The following PROX1 variants were observed in gnomAD, a reference collection of about 807,000 sequenced individuals.
PROX1 encodes the protein prospero homeobox protein 1.
In PROX1, 7 loss-of-function variants were observed where a neutral mutation model predicts 58.8. The observed-to-expected ratio is 0.12, with a 90% CI of 0.07 to 0.22. The LOEUF is 0.22. Among genes scored for constraint, PROX1 ranks in the 10% least tolerant of loss-of-function variants. The pLI, the probability that PROX1 is intolerant of heterozygous loss-of-function variation, is 1.00. For synonymous variants in PROX1, 350 were observed against 358.3 expected (o/e 0.98, Z 0.26); for missense variants, 675 against 927.8 (o/e 0.73, Z 3.54).
chr1:213,992,821 A>T (rs1010453537), intron 1 of PROX1, among the ~76,000 whole-genome samples: 10 of 152,314 alleles, frequency 6.6e-5, no homozygotes, highest in Admixed American at 4.6e-4. Flanking sequence ...CCTCCCCGAA[A>T]TAACTTCTTT....
intron 3 of PROX1, among the ~76,000 whole-genome samples, chr1:214,009,833 T>C (rs1054873086): frequency 6.6e-6 from 1 of 152,170 alleles, no homozygotes; most frequent in Non-Finnish European, 1.5e-5. Flanking sequence ...AAAGCAATTT[T>C]CATTCCCCAG....
At chr1:213,985,740 A>T (rs1486331946), upstream of PROX1, 1 of 152,266 alleles carries the variant, frequency 6.6e-6, no homozygotes, top group African/African-American at 2.4e-5. Flanking sequence ...TTCAAGCGCT[A>T]TGTGCAATTG....
At chr1:214,007,849 G>C in intron 3 of PROX1, among the ~76,000 whole-genome samples, 1 of 152,158 alleles carries the variant, frequency 6.6e-6, no homozygotes, top group African/African-American at 2.4e-5. Flanking sequence ...GAAATCACTA[G>C]AGAAATTGGG....
At chr1:214,014,483 T>C (rs1664026129) in intron 4 of PROX1, among the ~76,000 whole-genome samples, 1 of 152,202 alleles carries the variant, frequency 6.6e-6, no homozygotes, top group Non-Finnish European at 1.5e-5. Flanking sequence ...AAATGTCTTA[T>C]TGATTGTATT....
intron 4 of PROX1, chr1:214,030,244 T>C (rs1049044680): frequency 6.6e-6 from 1 of 152,316 alleles, no homozygotes; most frequent in Non-Finnish European, 1.5e-5. Flanking sequence ...TTCACCAAAA[T>C]ACTAGGCAGG....
chr1:214,007,497 T>C (rs1208949624), intron 3 of PROX1, among the ~76,000 whole-genome samples: 2 of 152,252 alleles, frequency 1.3e-5, no homozygotes, highest in Non-Finnish European at 1.5e-5. Flanking sequence ...AATGAATTTG[T>C]ATTTCTTGAG....
intron 4 of PROX1, among the ~76,000 whole-genome samples, chr1:214,023,921 C>G (rs1664368554): frequency 6.6e-6 from 1 of 152,148 alleles, no homozygotes; most frequent in African/African-American, 2.4e-5. Flanking sequence ...GGGAAGCTGA[C>G]CATATGTAGA....
intron 4 of PROX1, among the ~76,000 whole-genome samples, chr1:214,019,786 GCTT>G (rs1664219287): frequency 6.6e-6 from 1 of 152,216 alleles, no homozygotes; most frequent in Non-Finnish European, 1.5e-5. Context: ...CGCCGCAAAT[GCTT>G]CATTAGCCCT....
At chr1:214,012,833 A>G (rs918539355) in intron 4 of PROX1, among the ~76,000 whole-genome samples, 2 of 152,198 alleles carry the variant, frequency 1.3e-5, no homozygotes, top group African/African-American at 4.8e-5. Flanking sequence ...ATCCAGGAAT[A>G]CCCAGGAAGT....
Position 214,039,751 on chromosome 1 carries a change from A to G in PROX1, c.*3917A>G, listed in dbSNP as rs1664947754. ...TGAAATTTCTTTTTCTATGTACATG[A>G]AGACATTTAGTAAGTAACACCCCCC... is the stretch of plus-strand genomic sequence containing the variant. On this transcript the variant is annotated 3_prime_UTR_variant, in exon 5 of 5. Transcript: ENST00000366958. 1 of 152,002 alleles carries G rather than the reference A, an allele frequency of 6.6e-6. No individual in the cohort carries two copies. The highest frequency in any genetic ancestry group is 2.4e-5 in the African/African-American group (1 of 41,356). The allele number at this position is 152,002 out of a possible 1,614,324, so 9.4% of individuals were successfully genotyped here.
At chr1:214,032,482 C>T (rs1571846539) in intron 4 of PROX1, among the ~76,000 whole-genome samples, 2 of 152,100 alleles carry the variant, frequency 1.3e-5, no homozygotes, top group East Asian at 3.9e-4. Flanking sequence ...GCAACCTCCG[C>T]CACCTGGGCT....
chr1:214,012,898 C>A (rs934024614), intron 4 of PROX1, among the ~76,000 whole-genome samples: 1 of 152,156 alleles, frequency 6.6e-6, no homozygotes, highest in Non-Finnish European at 1.5e-5. Flanking sequence ...ATTAAGGGGT[C>A]TGACCCCTAG....
intron 2 of PROX1, among the ~76,000 whole-genome samples, chr1:214,002,475 A>T (rs1158341454): frequency 1.7e-5 from 2 of 120,006 alleles, no homozygotes; most frequent in African/African-American, 6.6e-5. Context: ...TCTATTTTGC[A>T]TTACACATAG....
At chr1:214,028,509 A>T (rs1390706472) in intron 4 of PROX1, among the ~76,000 whole-genome samples, 1 of 152,222 alleles carries the variant, frequency 6.6e-6, no homozygotes, top group Non-Finnish European at 1.5e-5. Context: ...GACTCAGCCA[A>T]CAAACTCACC....
intron 1 of PROX1, among the ~76,000 whole-genome samples, chr1:213,993,980 A>G (rs1360427744): frequency 6.6e-6 from 1 of 152,250 alleles, no homozygotes; most frequent in Non-Finnish European, 1.5e-5. Context: ...AACAGACTCC[A>G]CAAGCATTTC....
At chr1:214,033,259 C>A (rs1158143224) in intron 4 of PROX1, among the ~76,000 whole-genome samples, 1 of 152,306 alleles carries the variant, frequency 6.6e-6, no homozygotes, top group South Asian at 2.1e-4. Context: ...GCTGTATTGC[C>A]GTTGGCTGAT....
At chr1:214,024,808 G>A (rs1419130031) in intron 4 of PROX1, among the ~76,000 whole-genome samples, 5 of 152,184 alleles carry the variant, frequency 3.3e-5, no homozygotes, top group African/African-American at 1.2e-4. Context: ...TGGAGTGTTT[G>A]TGCTATGTTG....
intron 1 of PROX1, among the ~76,000 whole-genome samples, chr1:213,995,297 C>T (rs1045635017): frequency 1.3e-5 from 2 of 152,222 alleles, no homozygotes; most frequent in African/African-American, 2.4e-5. Context: ...TAATAAGTTA[C>T]ACAATGTCAA....
intron 1 of PROX1, 112 bp from the exon 2 acceptor site, chr1:213,996,357 G>C: frequency 1.6e-6 from 1 of 619,272 alleles, no homozygotes; most frequent in African/African-American, 1.8e-5. Context: ...TAATTGTAAT[G>C]TGCCATAAAT....
Sources: allele counts gnomAD v4.1 joint callset (sites outside exome capture counted in the v4.1 genomes callset), GRCh38; gene constraint gnomAD v4.1.1; transcripts MANE v1.5; gene names NCBI Gene and HGNC (gene_info 2026-07-23, HGNC 2026-07-21).